Variants in WNT7B observed in about 807,000 individuals in gnomAD.
WNT7B encodes Wnt family member 7B, also known as protein Wnt-7b.
A neutral mutation model predicts 38.2 loss-of-function variants in WNT7B; 19 were observed. That is an observed-to-expected ratio of 0.50 (90% CI 0.35 to 0.73). The LOEUF (loss-of-function observed/expected upper bound fraction) is 0.73. Ranked by LOEUF, WNT7B falls within the 30% of genes least tolerant of loss-of-function variation. The probability of loss-of-function intolerance (pLI) is 0.01; values close to 1 mark genes in which losing one functional copy is unlikely to be tolerated. For missense variants in WNT7B, 423 were observed against 507.9 expected, an observed-to-expected ratio of 0.83 and a Z score of 1.61; for synonymous variants, 243 against 209.3, an observed-to-expected ratio of 1.16 and a Z score of -1.39.
At chr22:45,960,732 C>G (rs2146744644) in intron 1 of WNT7B, among the ~76,000 whole-genome samples, 1 of 152,346 alleles carries the variant, frequency 6.6e-6, no homozygotes, top group East Asian at 1.9e-4. Flanking sequence ...GTCCACCCAT[C>G]CAGGAAGTAA....
chr22:45,964,298 G>A (rs554728218), intron 1 of WNT7B, among the ~76,000 whole-genome samples: 1 of 152,222 alleles, frequency 6.6e-6, no homozygotes, highest in South Asian at 2.1e-4. Context: ...GCTCAGAAAG[G>A]TGTGCCCAAC....
rs28454273 is a variant in WNT7B at position 45,920,861 on chromosome 22, A to T, written c.*1995T>A. The T allele has an allele frequency of 2.6e-5, 4 of 152,174 alleles. No homozygotes were observed. Among genetic ancestry groups the T allele is most frequent in the Non-Finnish European group, 4.4e-5 (3 of 68,068 alleles). 9.4% of individuals were successfully genotyped at this position (152,174 alleles called of 1,614,324 possible). Reference sequence around the variant, plus strand: ...CGACGCTATATAACAACATAAGTTAACCAGGTTCCTTGCAGAGGCTGCCGG... The same window carrying T: ...CGACGCTATATAACAACATAAGTTATCCAGGTTCCTTGCAGAGGCTGCCGG... On this transcript the variant is annotated 3_prime_UTR_variant, in exon 4 of 4. Coordinates refer to ENST00000339464, the MANE Select transcript of WNT7B (RefSeq NM_058238.3).
chr22:45,945,989 G>A (rs1931784727), intron 2 of WNT7B, among the ~76,000 whole-genome samples: 1 of 152,240 alleles, frequency 6.6e-6, no homozygotes, highest in Admixed American at 6.5e-5. Context: ...GCAGCTCAAG[G>A]GTGGGGCTAG....
intron 2 of WNT7B, among the ~76,000 whole-genome samples, chr22:45,932,531 G>A (rs370821893): frequency 9.2e-5 from 14 of 152,064 alleles, no homozygotes; most frequent in East Asian, 3.9e-4. Context: ...ATATGGGTCC[G>A]AAGACCCGAG....
intron 2 of WNT7B, among the ~76,000 whole-genome samples, chr22:45,943,004 A>G (rs1321604833): frequency 1.4e-5 from 2 of 139,132 alleles, no homozygotes; most frequent in African/African-American, 6.4e-5. Context: ...GTAGGCGTGT[A>G]TGTGTGCAGT....
At chr22:45,948,062 C>G (rs1024133411) in intron 2 of WNT7B, among the ~76,000 whole-genome samples, 3 of 152,246 alleles carry the variant, frequency 2.0e-5, no homozygotes, top group Admixed American at 6.5e-5. Context: ...TCCACGTCTG[C>G]CCCTCTCCTG....
intron 1 of WNT7B, among the ~76,000 whole-genome samples, chr22:45,960,480 T>C (rs1932171486): frequency 6.6e-6 from 1 of 151,956 alleles, no homozygotes; most frequent in Admixed American, 6.6e-5. Context: ...CCCCCCCAGC[T>C]GAGGGAGCAT....
chr22:45,955,290 G>T (rs1429870536), intron 1 of WNT7B, among the ~76,000 whole-genome samples: 1 of 152,246 alleles, frequency 6.6e-6, no homozygotes, highest in Non-Finnish European at 1.5e-5. Flanking sequence ...GCTGGGGAGA[G>T]GGGTGACTGG....
At chr22:45,933,350 C>T (rs1280997213) in intron 2 of WNT7B, among the ~76,000 whole-genome samples, 6 of 152,258 alleles carry the variant, frequency 3.9e-5, no homozygotes, top group Non-Finnish European at 1.5e-5. Context: ...CTCTCCTCTT[C>T]TGGCCACTGC....
intron 3 of WNT7B, chr22:45,926,261 C>T: frequency 1.0e-6 from 1 of 985,392 alleles, no homozygotes; most frequent in Non-Finnish European, 1.2e-6. Flanking sequence ...AGCACTGAGA[C>T]CGGCCCCCTG....
At position 45,941,065 on chromosome 22, in the gene WNT7B, C is replaced by T. The variant is rs539248832; in HGVS notation, c.298+8855G>A. Among the ~76,000 whole-genome samples the T allele has an allele frequency of 2.0e-5, 3 of 152,320 alleles. No individual in the cohort carries two copies. The East Asian group carries it at 5.8e-4, about 29-fold the overall frequency. ...GACTTACATTGAAAGGGACCCTCCA[C>T]CCCACCCACCGGGAGGCCTGTGCAA... On this transcript the variant is annotated intron_variant, in intron 2 of 3. Coordinates refer to ENST00000339464, the MANE Select transcript of WNT7B (RefSeq NM_058238.3).
At chr22:45,974,124 T>C (rs1326293938) in intron 1 of WNT7B, among the ~76,000 whole-genome samples, 1 of 152,116 alleles carries the variant, frequency 6.6e-6, no homozygotes, top group African/African-American at 2.4e-5. Context: ...AGGTGTTCAT[T>C]GGGACACATA....
At chr22:45,926,084 C>G (rs903154914) in intron 3 of WNT7B, 2 of 985,440 alleles carry the variant, frequency 2.0e-6, no homozygotes, top group African/African-American at 1.7e-5. Flanking sequence ...CGTGACCATC[C>G]GCAAATAAAG....
intron 1 of WNT7B, among the ~76,000 whole-genome samples, chr22:45,974,931 G>A (rs1932521127): frequency 6.6e-6 from 1 of 152,126 alleles, no homozygotes; most frequent in South Asian, 2.1e-4. Flanking sequence ...GGGCTAGGGT[G>A]GACCGTCAGC....
chr22:45,936,107 G>C, intron 2 of WNT7B: 1 of 985,428 alleles, frequency 1.0e-6, no homozygotes, highest in Non-Finnish European at 1.2e-6. Context: ...AAGAGCACTG[G>C]GTGGGTTTCT....
intron 1 of WNT7B, among the ~76,000 whole-genome samples, chr22:45,970,361 G>C: frequency 6.6e-6 from 1 of 152,218 alleles, no homozygotes; most frequent in South Asian, 2.1e-4. Flanking sequence ...AAGCCTGGCG[G>C]GGGTAGTCAC....
At chr22:45,930,583 C>T (rs1184925794) in intron 3 of WNT7B, among the ~76,000 whole-genome samples, 1 of 152,216 alleles carries the variant, frequency 6.6e-6, no homozygotes, top group African/African-American at 2.4e-5. Flanking sequence ...CACACTCCGT[C>T]CCGCCCCATG....
chr22:45,943,036 C>T (rs114041721), intron 2 of WNT7B, among the ~76,000 whole-genome samples: 1,656 of 141,392 alleles, frequency 0.012, 35 homozygotes, highest in African/African-American at 0.048. Flanking sequence ...TGTGTGTGCG[C>T]GTGTGTGCAG....
chr22:45,975,727 G>A lies in WNT7B; in HGVS notation c.71+957C>T, dbSNP rs1319512042. The stretch of plus-strand genomic sequence containing the variant: ...CGGGGCTCGCCTCGGGGCAGCCGGC[G>A]GCGCACAGTAGGCGCGCAGGGCGCG... On this transcript the variant is annotated intron_variant, in intron 1 of 3. Coordinates refer to ENST00000339464, the MANE Select transcript of WNT7B (RefSeq NM_058238.3). This position sits in a 1 kb window ranked among gnomAD's most constrained non-coding sequence, Gnocchi z 6.6. The A allele has an allele frequency of 6.7e-6, 3 of 449,662 alleles. No individual in the cohort carries two copies. The highest frequency in any genetic ancestry group is 3.5e-5 in the East Asian group (1 of 28,504). The allele number at this position is 449,662 out of a possible 1,614,324, so 27.9% of individuals were successfully genotyped here.
Sources: allele counts gnomAD v4.1 joint callset (sites outside exome capture counted in the v4.1 genomes callset), GRCh38; gene constraint gnomAD v4.1.1; non-coding constraint Gnocchi (gnomAD v3.1); transcripts MANE v1.5; gene names NCBI Gene and HGNC (gene_info 2026-07-23, HGNC 2026-07-21).